Variants in PPARA observed in about 807,000 individuals in gnomAD.
PPARA encodes the protein peroxisome proliferator activated receptor alpha.
Under a neutral mutation model 42.2 loss-of-function variants are expected in PPARA, and 22 were observed. The ratio of observed to expected loss-of-function variants is 0.52; its 90% CI spans 0.37 to 0.74. The LOEUF is 0.74. PPARA is among the 30% of genes least tolerant of loss of function. PPARA has a pLI of 0.00. For missense variants in PPARA, 465 were observed against 608.2 expected, an observed-to-expected ratio of 0.76 and a Z score of 2.48; for synonymous variants, 242 against 239.3, an observed-to-expected ratio of 1.01 and a Z score of -0.10.
rs866752379 is a variant in PPARA, at chr22:46,207,650, A to T, written c.209-7523A>T. On this transcript the variant is annotated intron_variant, in intron 4 of 8. Transcript: ENST00000407236. Reference sequence around the variant, plus strand: ...CTTGTTTTTAATTAATTAATTTATTATTATTATTATTATTATTATTATTAT... The same window carrying T: ...CTTGTTTTTAATTAATTAATTTATTTTTATTATTATTATTATTATTATTAT... 2.5e-3 allele frequency among the ~76,000 whole-genome samples: 193 copies of T among 78,574 alleles called. 1 individual carries two copies. Among genetic ancestry groups the T allele is most frequent in the African/African-American group, 9.6e-3 (176 of 18,352 alleles). The allele number at this position is 78,574 out of a possible 152,430, so 51.5% of individuals were successfully genotyped here.
intron 3 of PPARA, among the ~76,000 whole-genome samples, chr22:46,181,610 C>G (rs1929981238): frequency 6.6e-6 from 1 of 152,066 alleles, no homozygotes; most frequent in Admixed American, 6.6e-5. Context: ...ATTGAGGGTT[C>G]TGTGTGAAGT....
Position 46,188,569 on chromosome 22 carries a change from G to A in PPARA, c.-42-9773G>A, listed in dbSNP as rs1460192636. On this transcript the variant is annotated intron_variant, in intron 3 of 8. Coordinates refer to ENST00000407236, the MANE Select transcript of PPARA (RefSeq NM_005036.6). This position sits in a 1 kb window ranked among gnomAD's most constrained non-coding sequence, Gnocchi z 5.0. ...AAGTTACTCACTTCTCTCAACCTCT[G>A]CATTTTTCTTCTTTATAAATGGGAC... is the stretch of plus-strand genomic sequence containing the variant. Among the ~76,000 whole-genome samples, 1 of 152,050 alleles carries A rather than the reference G, an allele frequency of 6.6e-6. No homozygotes were observed. The highest frequency in any genetic ancestry group is 1.5e-5 in the Non-Finnish European group (1 of 68,022).
rs113883017 is a variant in PPARA, at chr22:46,193,753, C to A, written c.-42-4589C>A. Among the ~76,000 whole-genome samples, 782 of 152,318 alleles carry A rather than the reference C, an allele frequency of 5.1e-3. 10 individuals carry two copies. Among genetic ancestry groups the A allele is most frequent in the African/African-American group, 0.018 (756 of 41,574 alleles). On this transcript the variant is annotated intron_variant, in intron 3 of 8. Transcript: ENST00000407236. The surrounding 1 kb of genome is among the most constrained non-coding windows in gnomAD (Gnocchi z 5.3). ...TACCTTTTCCCAACACCCTATCCAC[C>A]TGTCCCTCACCTCTCAGCTTTTGTG...
chr22:46,170,061 C>T (rs1927744322), intron 2 of PPARA, among the ~76,000 whole-genome samples: 1 of 151,824 alleles, frequency 6.6e-6, no homozygotes, highest in Admixed American at 6.6e-5. Context: ...TCTTAAACAG[C>T]TGGCTTCTGT....
chr22:46,199,257 G>T (rs1432793126), intron 4 of PPARA, among the ~76,000 whole-genome samples: 1 of 152,180 alleles, frequency 6.6e-6, no homozygotes, highest in Non-Finnish European at 1.5e-5. Context: ...GGAAGGATGG[G>T]AAACAAGCTG....
rs146554800 is a variant in PPARA, at chr22:46,227,668, C to T, written c.712-4124C>T. On this transcript the variant is annotated intron_variant, in intron 7 of 8. Coordinates refer to ENST00000407236, the MANE Select transcript of PPARA (RefSeq NM_005036.6). This position sits in a 1 kb window ranked among gnomAD's most constrained non-coding sequence, Gnocchi z 4.3. The stretch of plus-strand genomic sequence containing the variant: ...GTGCCGGGACCAGTGTGGCAGCAAG[C>T]GGGGCGTTCTGCTCTCGGCATGGAG... Among the ~76,000 whole-genome samples the T allele has an allele frequency of 3.3e-5, 5 of 152,312 alleles. No homozygotes were observed. Among genetic ancestry groups the T allele is most frequent in the East Asian group, 1.9e-4 (1 of 5,190 alleles).
In PPARA at chr22:46,201,797, C is replaced by T. The variant is rs529825142; in HGVS notation, c.208+3206C>T. On this transcript the variant is annotated intron_variant, in intron 4 of 8. Coordinates refer to ENST00000407236, the MANE Select transcript of PPARA (RefSeq NM_005036.6). Reference sequence around the variant, plus strand: ...AACCCCACAATGTGGGACCTTTCTTCACCCATCACAGACACACCCCATGCT... The same window carrying T: ...AACCCCACAATGTGGGACCTTTCTTTACCCATCACAGACACACCCCATGCT... Among the ~76,000 whole-genome samples, 4 of 152,326 alleles carry T rather than the reference C, an allele frequency of 2.6e-5. No individual in the cohort carries two copies. In the East Asian group the frequency reaches 5.8e-4, roughly 22 times the overall value.
intron 2 of PPARA, among the ~76,000 whole-genome samples, chr22:46,158,123 G>A (rs1925594849): frequency 2.0e-5 from 3 of 151,866 alleles, no homozygotes. Flanking sequence ...TTAAGAGTGA[G>A]CGAGGCCAGG....
At position 46,150,560 on chromosome 22, in the gene PPARA, C is replaced by CGGCGGG. The variant is rs932991326; in HGVS notation, c.-296_-291dup. ...GCGGCCCCGCGGCGGGGGCAGCGGGCGGCGGGGGCGGAGGCGGCCGCTAGC... is the reference window on the plus strand; with the variant it reads ...GCGGCCCCGCGGCGGGGGCAGCGGGCGGCGGGGGCGGGGGCGGAGGCGGCCGCTAGC... On this transcript the variant is annotated 5_prime_UTR_variant, in exon 1 of 9. Transcript: ENST00000407236. This position sits in a 1 kb window ranked among gnomAD's most constrained non-coding sequence, Gnocchi z 7.5. 3 of 135,792 alleles carry CGGCGGG rather than the reference C, an allele frequency of 2.2e-5. No individual in the cohort carries two copies. Among genetic ancestry groups the CGGCGGG allele is most frequent in the African/African-American group, 7.8e-5 (3 of 38,678 alleles). 8.4% of individuals were successfully genotyped at this position (135,792 alleles called of 1,614,324 possible). A position where few individuals can be genotyped will look rare whatever the true frequency, so the allele number is the denominator to read the frequency against.
At chr22:46,214,496 G>C (rs1007539553) in intron 4 of PPARA, among the ~76,000 whole-genome samples, 1 of 145,528 alleles carries the variant, frequency 6.9e-6, no homozygotes, top group Admixed American at 6.9e-5. Context: ...GGAGATGCGC[G>C]GGTCCGGAAA....
rs1379817822 is a variant in PPARA at position 46,160,286 on chromosome 22, T to A, written c.-127+8316T>A. ...TTTAGCAGGATGCCAATATAAGAAA[T>A]CTATATTGGTGTTCGTTTGTTTGTT... On this transcript the variant is annotated intron_variant, in intron 2 of 8. Transcript: ENST00000407236. This position sits in a 1 kb window ranked among gnomAD's most constrained non-coding sequence, Gnocchi z 4.5. Among the ~76,000 whole-genome samples, 1 of 152,082 alleles carries A rather than the reference T, an allele frequency of 6.6e-6. No homozygotes were observed. The highest frequency in any genetic ancestry group is 1.9e-4 in the East Asian group (1 of 5,176).
intron 4 of PPARA, among the ~76,000 whole-genome samples, chr22:46,207,105 C>T (rs1170541310): frequency 2.0e-5 from 3 of 151,824 alleles, no homozygotes; most frequent in Non-Finnish European, 4.4e-5. Context: ...TGCCTATAGT[C>T]CCTGCTACTT....
rs1936122030 is a variant in PPARA, at chr22:46,234,971, A to AAAAC, written c.1160-161_1160-158dup. ...CCCTACTTCACCTATTGACTTTGGA[A>AAAAC]AAACCTATGTCTATCTTCCAGTCAA... On this transcript the variant is annotated intron_variant, in intron 8 of 8. Transcript: ENST00000407236. The surrounding 1 kb of genome is among the most constrained non-coding windows in gnomAD (Gnocchi z 5.8). Among the ~76,000 whole-genome samples the AAAAC allele has an allele frequency of 6.6e-6, 1 of 152,184 alleles. No individual in the cohort carries two copies. Among genetic ancestry groups the AAAAC allele is most frequent in the African/African-American group, 2.4e-5 (1 of 41,434 alleles).
At chr22:46,176,459 C>T (rs1394427974) in intron 2 of PPARA, among the ~76,000 whole-genome samples, 1 of 152,208 alleles carries the variant, frequency 6.6e-6, no homozygotes, top group African/African-American at 2.4e-5. Context: ...GCACTCCAGC[C>T]TGGGCCACAG....
chr22:46,197,448 G>A lies in PPARA; in HGVS notation c.-42-894G>A, dbSNP rs573673574. Among the ~76,000 whole-genome samples, 6 of 152,338 alleles carry A rather than the reference G, an allele frequency of 3.9e-5. No homozygotes were observed. In the South Asian group the frequency reaches 6.2e-4, roughly 16 times the overall value. On this transcript the variant is annotated intron_variant, in intron 3 of 8. Transcript: ENST00000407236. ...GTCAGTGATGACTGAGAGATTCCTG[G>A]CCCCGTGGGCTATGGCTCCTTCAAC...
chr22:46,180,169 A>G lies in PPARA; in HGVS notation c.-43+3333A>G, dbSNP rs532820697. Among the ~76,000 whole-genome samples the G allele has an allele frequency of 7.1e-4, 108 of 151,346 alleles. No homozygotes were observed. The highest frequency in any genetic ancestry group is 2.4e-3 in the African/African-American group (99 of 41,328). ...GACAGGAAGGTAAAATGATACAAAC[A>G]CATTGAAAAACAGGTTGGCAGTTGC... is the stretch of plus-strand genomic sequence containing the variant. On this transcript the variant is annotated intron_variant, in intron 3 of 8. Coordinates refer to ENST00000407236, the MANE Select transcript of PPARA (RefSeq NM_005036.6). The surrounding 1 kb of genome is among the most constrained non-coding windows in gnomAD (Gnocchi z 4.2).
chr22:46,151,556 G>A (rs1924436479), intron 1 of PPARA, among the ~76,000 whole-genome samples: 1 of 152,272 alleles, frequency 6.6e-6, no homozygotes, highest in Non-Finnish European at 1.5e-5. Flanking sequence ...GAGAGGAAGT[G>A]TGCTCCAAGT....
rs1926853840 is a variant in PPARA at position 46,165,162 on chromosome 22, A to C, written c.-126-11591A>C. The C allele has an allele frequency of 6.6e-6, 1 of 152,182 alleles. No homozygotes were observed. The highest frequency in any genetic ancestry group is 1.5e-5 in the Non-Finnish European group (1 of 68,110). 9.4% of individuals were successfully genotyped at this position (152,182 alleles called of 1,614,324 possible). On this transcript the variant is annotated intron_variant, in intron 2 of 8. Coordinates refer to ENST00000407236, the MANE Select transcript of PPARA (RefSeq NM_005036.6). This position sits in a 1 kb window ranked among gnomAD's most constrained non-coding sequence, Gnocchi z 5.5. ...GTGATTCTCCCATATCAGCCTCCCG[A>C]GGAGCTGGGACTACAGGCGCCTGCC... is the stretch of plus-strand genomic sequence containing the variant.
chr22:46,235,494 T>C lies in PPARA; in HGVS notation c.*114T>C. ...ATATCCACCACTTTAACCTTAGAGC[T>C]TGGACAGTCTGAGCTGTAGGTAACC... On this transcript the variant is annotated 3_prime_UTR_variant, in exon 9 of 9. Transcript: ENST00000407236. This position sits in a 1 kb window ranked among gnomAD's most constrained non-coding sequence, Gnocchi z 7.0. 1 of 1,386,460 alleles carries C rather than the reference T, an allele frequency of 7.2e-7. No individual in the cohort carries two copies. Among genetic ancestry groups the C allele is most frequent in the Non-Finnish European group, 1.0e-6 (1 of 1,004,914 alleles). 85.9% of individuals were successfully genotyped at this position (1,386,460 alleles called of 1,614,324 possible).
Sources: gnomAD v4.1 joint callset for allele counts (sites outside exome capture counted in the v4.1 genomes callset) on GRCh38, gnomAD v4.1.1 for gene constraint, Gnocchi (gnomAD v3.1) non-coding constraint, MANE v1.5 for transcripts, NCBI Gene and HGNC (gene_info 2026-07-23, HGNC 2026-07-21) for gene names.